The following CDKN2B-AS1 variants were observed in gnomAD, a reference collection of about 807,000 sequenced individuals.
CDKN2B-AS1 encodes the protein CDKN2B and CDKN2A antisense cis and trans regulatory RNA 1.
chr9:22,084,927 T>G (rs1644472586), intron 4 of CDKN2B-AS1, among the ~76,000 whole-genome samples: 1 of 152,188 alleles, frequency 6.6e-6, no homozygotes, highest in African/African-American at 2.4e-5. Context: ...TGTAATATGA[T>G]ACTTAATCTC....
chr9:22,038,433 A>C (rs943298893), intron 1 of CDKN2B-AS1, among the ~76,000 whole-genome samples: 1 of 152,032 alleles, frequency 6.6e-6, no homozygotes, highest in Non-Finnish European at 1.5e-5. Context: ...TTCAAGATTT[A>C]TGAGCTCAAA....
chr9:21,995,576 T>G lies in CDKN2B-AS1; in HGVS notation n.29+415T>G, dbSNP rs760737469. ...TTTCTTCCACATCACCGATCCTTTC[T>G]GGACTCTCTCCCTTCCTCCTTTCCA... On this transcript the variant is annotated intron_variant and non_coding_transcript_variant, in intron 1 of 4. Transcript: ENST00000650946. The surrounding 1 kb of genome is among the most constrained non-coding windows in gnomAD (Gnocchi z 5.7). 6.5e-6 allele frequency: 1 copy of G among 152,690 alleles called. No homozygotes were observed. The highest frequency in any genetic ancestry group is 1.5e-5 in the Non-Finnish European group (1 of 68,308). 9.5% of individuals were successfully genotyped at this position (152,690 alleles called of 1,614,324 possible).
chr9:22,029,154 A>G (rs572047935), intron 1 of CDKN2B-AS1, among the ~76,000 whole-genome samples: 46 of 152,316 alleles, frequency 3.0e-4, no homozygotes, highest in Non-Finnish European at 2.6e-4. Context: ...GAAAATCACT[A>G]TATTTTGATC....
chr9:22,012,188 A>G, intron 1 of CDKN2B-AS1: 1 of 1,391,702 alleles, frequency 7.2e-7, no homozygotes, highest in Admixed American at 1.7e-5. Flanking sequence ...CACGGGCAAG[A>G]CCATCACCCT....
intron 4 of CDKN2B-AS1, among the ~76,000 whole-genome samples, chr9:22,116,446 TAAGAA>T: frequency 6.6e-6 from 1 of 152,012 alleles, no homozygotes; most frequent in East Asian, 1.9e-4. Flanking sequence ...AACTAGTAAA[TAAGAA>T]AACAAATAAA....
intron 1 of CDKN2B-AS1, among the ~76,000 whole-genome samples, chr9:22,011,658 T>G (rs1342132200): frequency 6.6e-6 from 1 of 152,226 alleles, no homozygotes; most frequent in Non-Finnish European, 1.5e-5. Flanking sequence ...CACTGTGTTT[T>G]CCAGATGGCT....
At chr9:22,020,905 C>A (rs1454185252) in intron 1 of CDKN2B-AS1, among the ~76,000 whole-genome samples, 1 of 152,096 alleles carries the variant, frequency 6.6e-6, no homozygotes, top group Admixed American at 6.6e-5. Context: ...TCAATTTTTT[C>A]TTTTGATGCA....
At position 22,000,261 on chromosome 9, in the gene CDKN2B-AS1, A is replaced by G. The variant is rs543096053; in HGVS notation, n.29+5100A>G. On this transcript the variant is annotated intron_variant and non_coding_transcript_variant, in intron 1 of 4. Transcript: ENST00000650946. This position sits in a 1 kb window ranked among gnomAD's most constrained non-coding sequence, Gnocchi z 4.1. Reference sequence around the variant, plus strand: ...TTAAACTTGTTGTCCTCAAATGACTACTGAGGCAAACACCATTCTTATAGA... The same window carrying G: ...TTAAACTTGTTGTCCTCAAATGACTGCTGAGGCAAACACCATTCTTATAGA... Among the ~76,000 whole-genome samples, 3 of 152,296 alleles carry G rather than the reference A, an allele frequency of 2.0e-5. No homozygotes were observed. In the South Asian group the frequency reaches 6.2e-4, roughly 32 times the overall value.
At chr9:22,071,751 C>T (rs4451405) in intron 4 of CDKN2B-AS1, among the ~76,000 whole-genome samples, 104,749 of 151,594 alleles carry the variant, frequency 0.69, 36,951 homozygotes, top group African/African-American at 0.81. Flanking sequence ...AATTATTTTT[C>T]GTATTAATGA....
intron 4 of CDKN2B-AS1, among the ~76,000 whole-genome samples, chr9:22,103,514 C>T (rs897615792): frequency 2.2e-4 from 33 of 152,142 alleles, no homozygotes; most frequent in African/African-American, 7.2e-4. Flanking sequence ...AGGCCCACAT[C>T]GTTCGAGAAT....
intron 1 of CDKN2B-AS1, chr9:22,030,456 C>G (rs1408179229): frequency 6.6e-6 from 1 of 152,078 alleles, no homozygotes; most frequent in East Asian, 1.9e-4. Context: ...ATGACTCATT[C>G]TCTTTGTTTG....
intron 4 of CDKN2B-AS1, among the ~76,000 whole-genome samples, chr9:22,123,591 T>G (rs7869069): frequency 0.055 from 8,446 of 152,184 alleles, 738 homozygotes; most frequent in African/African-American, 0.19. Context: ...CAGGTGCTGC[T>G]ATTAGGATGG....
intron 4 of CDKN2B-AS1, among the ~76,000 whole-genome samples, chr9:22,060,118 G>T (rs1823754135): frequency 6.6e-6 from 1 of 152,192 alleles, no homozygotes; most frequent in Admixed American, 6.5e-5. Flanking sequence ...TAGGCCCCAT[G>T]CTACTTATGC....
chr9:22,124,080 T>C lies in CDKN2B-AS1; in HGVS notation n.439-3023T>C, dbSNP rs543052018. Reference sequence around the variant, plus strand: ...GAATATTTGCCTTGTATAATCTTTTTGTAGTTTTTTTATGAACATATATTA... The same window carrying C: ...GAATATTTGCCTTGTATAATCTTTTCGTAGTTTTTTTATGAACATATATTA... On this transcript the variant is annotated intron_variant and non_coding_transcript_variant, in intron 4 of 4. Transcript: ENST00000650946. 3.3e-5 allele frequency among the ~76,000 whole-genome samples: 5 copies of C among 151,626 alleles called. No homozygotes were observed. The South Asian group carries it at 1.0e-3, about 31-fold the overall frequency.
intron 1 of CDKN2B-AS1, chr9:22,003,976 G>A (rs1277026380): frequency 8.6e-6 from 2 of 232,688 alleles, no homozygotes; most frequent in African/African-American, 4.4e-5. Flanking sequence ...ATAATCAGCT[G>A]TGGAACTAGA....
intron 1 of CDKN2B-AS1, chr9:22,008,752 C>A (rs1378321665): frequency 1.4e-5 from 23 of 1,610,204 alleles, no homozygotes; most frequent in Non-Finnish European, 1.8e-5. Context: ...GGCCGCGCCC[C>A]GCGTTCGCGC....
At chr9:22,010,168 G>A (rs1821427360) in intron 1 of CDKN2B-AS1, among the ~76,000 whole-genome samples, 1 of 152,168 alleles carries the variant, frequency 6.6e-6, no homozygotes, top group South Asian at 2.1e-4. Flanking sequence ...GGGGTGTGGT[G>A]CTGGGCTTGT....
intron 3 of CDKN2B-AS1, among the ~76,000 whole-genome samples, chr9:22,050,405 T>C (rs1823296431): frequency 6.6e-6 from 1 of 152,222 alleles, no homozygotes; most frequent in Non-Finnish European, 1.5e-5. Flanking sequence ...GGAAGTGAAG[T>C]ACTTCTTTGG....
chr9:22,024,690 G>A (rs912821894), intron 1 of CDKN2B-AS1, among the ~76,000 whole-genome samples: 2 of 152,214 alleles, frequency 1.3e-5, no homozygotes, highest in South Asian at 4.1e-4. Context: ...CTTCCCTCCT[G>A]TATGCTAGTG....
Sources: allele counts gnomAD v4.1 joint callset (sites outside exome capture counted in the v4.1 genomes callset), GRCh38; gene constraint gnomAD v4.1.1; non-coding constraint Gnocchi (gnomAD v3.1); transcripts MANE v1.5; gene names NCBI Gene and HGNC (gene_info 2026-07-23, HGNC 2026-07-21).